SERGEF: variants seen among roughly 807,000 people sequenced by gnomAD.
SERGEF encodes the protein secretion-regulating guanine nucleotide exchange factor.
SERGEF carries 51 observed loss-of-function variants against 50.0 expected under a neutral mutation model. The ratio of observed to expected loss-of-function variants is 1.02; its 90% CI spans 0.81 to 1.29. The LOEUF (loss-of-function observed/expected upper bound fraction) is 1.29. Among genes scored for constraint, SERGEF ranks in the 50% most tolerant of loss-of-function variants. The pLI is 0.00. For synonymous variants in SERGEF, 205 were observed against 212.4 expected (o/e 0.97, Z 0.30); for missense variants, 521 against 557.0 (o/e 0.94, Z 0.65).
chr11:17,917,950 G>A (rs1245578829), intron 9 of SERGEF, among the ~76,000 whole-genome samples: 1 of 152,090 alleles, frequency 6.6e-6, no homozygotes, highest in Admixed American at 6.5e-5. Context: ...ATTTAAATGG[G>A]GTTTATAAGT....
chr11:17,904,271 T>G (rs752011694), intron 9 of SERGEF, among the ~76,000 whole-genome samples: 8 of 151,870 alleles, frequency 5.3e-5, no homozygotes, highest in Non-Finnish European at 1.0e-4. Flanking sequence ...AGGAAAAGAG[T>G]GGGGGTTCTC....
intron 10 of SERGEF, among the ~76,000 whole-genome samples, chr11:17,809,181 GTAGA>G (rs1849821992): frequency 6.6e-6 from 1 of 152,188 alleles, no homozygotes; most frequent in Non-Finnish European, 1.5e-5. Flanking sequence ...AGCATTCTAA[GTAGA>G]TAGAACAGTG....
chr11:17,879,922 T>C (rs1453468426), intron 9 of SERGEF, among the ~76,000 whole-genome samples: 2 of 152,212 alleles, frequency 1.3e-5, no homozygotes, highest in Non-Finnish European at 2.9e-5. Flanking sequence ...TCCCACAAGT[T>C]CCTTTGGTAG....
chr11:17,834,617 C>A (rs1172126552), intron 10 of SERGEF, among the ~76,000 whole-genome samples: 1 of 152,196 alleles, frequency 6.6e-6, no homozygotes, highest in African/African-American at 2.4e-5. Context: ...CTGATCCTAA[C>A]CTTTTCTAAG....
Position 17,988,656 on chromosome 11 carries a change from A to C in SERGEF, c.785T>G (p.Phe262Cys). Residue 262 changes from phenylalanine (F) to cysteine (C), a missense_variant, in exon 8 of 11, where the codon TTC (phenylalanine) becomes TGC (cysteine). Coordinates refer to ENST00000265965, the MANE Select transcript of SERGEF (RefSeq NM_012139.4). ...PVPQKIEAHC[F>C]QNEKVTAIWS... is the part of the protein sequence containing the mutation. ...GATGGCAGTGACCTTTTCATTCTGG[A>C]AACAATGTGCTTCTATTTTCTGGGG... is the stretch of plus-strand genomic sequence containing the variant. 6.2e-7 allele frequency: 1 copy of C among 1,614,156 alleles called. No individual in the cohort carries two copies. Among genetic ancestry groups the C allele is most frequent in the Non-Finnish European group, 8.5e-7 (1 of 1,180,030 alleles).
intron 10 of SERGEF, among the ~76,000 whole-genome samples, chr11:17,800,904 TGAA>T (rs1254483806): frequency 6.6e-6 from 1 of 151,906 alleles, no homozygotes; most frequent in Non-Finnish European, 1.5e-5. Context: ...GCCTTAAAAT[TGAA>T]GGGGAAGGCC....
intron 9 of SERGEF, among the ~76,000 whole-genome samples, chr11:17,900,861 C>T (rs1423178900): frequency 6.6e-6 from 1 of 152,120 alleles, no homozygotes; most frequent in African/African-American, 2.4e-5. Flanking sequence ...CACTCAGCCA[C>T]ATTGTAAAAG....
intron 10 of SERGEF, among the ~76,000 whole-genome samples, chr11:17,805,401 G>A (rs1264285773): frequency 2.0e-5 from 3 of 152,180 alleles, no homozygotes; most frequent in African/African-American, 7.2e-5. Flanking sequence ...CAGCCTATCT[G>A]GCTGTGCTGG....
intron 8 of SERGEF, among the ~76,000 whole-genome samples, chr11:17,968,594 T>C (rs1422815611): frequency 6.6e-6 from 1 of 151,988 alleles, no homozygotes; most frequent in Non-Finnish European, 1.5e-5. Flanking sequence ...GTCCTAGCTA[T>C]TCCAGAGGCT....
rs1460133513 is a variant in SERGEF, at chr11:18,012,989, A to C, written c.22T>G (p.Ser8Ala). ...GCGGCCGCCGCGGGGGCGGCCTCCG[A>C]GGCGCTGGGCTCGCGCTCCATGCGA... MEREPSA[S>A]EAAPAAAALF... The change falls in exon 1 of 11, where the codon TCG becomes GCG. Residue 8 changes from serine to alanine, a missense_variant. Ser to Ala is a moderately conservative substitution (Grantham distance 99). Transcript: ENST00000265965. 4 of 1,460,776 alleles carry C rather than the reference A, an allele frequency of 2.7e-6. No individual in the cohort carries two copies. The East Asian group carries it at 1.2e-4, about 42-fold the overall frequency. The allele number at this position is 1,460,776 out of a possible 1,614,324, so 90.5% of individuals were successfully genotyped here. A position where few individuals can be genotyped will look rare whatever the true frequency, so the allele number is the denominator to read the frequency against.
At chr11:18,002,068 G>A (rs749968061) in intron 4 of SERGEF, 19 of 455,918 alleles carry the variant, frequency 4.2e-5, no homozygotes, top group Non-Finnish European at 8.4e-5. Flanking sequence ...TCTGTCAATG[G>A]AGTCCACAAT....
At chr11:17,863,595 T>C (rs1421544178) in intron 10 of SERGEF, 1 of 152,144 alleles carries the variant, frequency 6.6e-6, no homozygotes, top group Non-Finnish European at 1.5e-5. Flanking sequence ...GTTCTTATCA[T>C]GGTCTGCTTT....
At chr11:17,987,555 C>T (rs1402157403) in intron 8 of SERGEF, among the ~76,000 whole-genome samples, 3 of 152,138 alleles carry the variant, frequency 2.0e-5, no homozygotes, top group Non-Finnish European at 4.4e-5. Context: ...TCCTCTAAAG[C>T]GGTAATATGG....
intron 10 of SERGEF, among the ~76,000 whole-genome samples, chr11:17,827,980 A>G (rs1850230234): frequency 6.6e-6 from 1 of 152,206 alleles, no homozygotes. Context: ...CCTTGAGTGA[A>G]AAAGGCCTGT....
intron 10 of SERGEF, among the ~76,000 whole-genome samples, chr11:17,818,136 G>A (rs372231271): frequency 2.0e-5 from 3 of 152,120 alleles, no homozygotes; most frequent in Non-Finnish European, 2.9e-5. Flanking sequence ...CTGGGTGTCC[G>A]CTCTGCCCCA....
intron 10 of SERGEF, among the ~76,000 whole-genome samples, chr11:17,807,061 C>T (rs1463575749): frequency 6.6e-6 from 1 of 152,156 alleles, no homozygotes; most frequent in African/African-American, 2.4e-5. Flanking sequence ...GCCCCCAACT[C>T]GATGGAATAG....
intron 10 of SERGEF, among the ~76,000 whole-genome samples, chr11:17,802,996 G>A (rs1272316674): frequency 2.6e-5 from 4 of 152,254 alleles, no homozygotes; most frequent in Non-Finnish European, 4.4e-5. Flanking sequence ...TATAAAAGGT[G>A]CTCAATAAAT....
At chr11:17,891,670 G>T (rs553663220) in intron 9 of SERGEF, among the ~76,000 whole-genome samples, 2 of 152,240 alleles carry the variant, frequency 1.3e-5, no homozygotes, top group Admixed American at 1.3e-4. Flanking sequence ...TGTTCTGCAG[G>T]GTTCCAGATG....
intron 9 of SERGEF, among the ~76,000 whole-genome samples, chr11:17,894,973 T>C (rs1254587795): frequency 6.6e-6 from 1 of 152,212 alleles, no homozygotes; most frequent in Non-Finnish European, 1.5e-5. Context: ...GGGCCTGTAG[T>C]GTATGGGGAA....
Sources: gnomAD v4.1 joint callset for allele counts (sites outside exome capture counted in the v4.1 genomes callset) on GRCh38, gnomAD v4.1.1 for gene constraint, MANE v1.5 for transcripts, NCBI Gene and HGNC (gene_info 2026-07-23, HGNC 2026-07-21) for gene names.